Variants in MORC2 observed in about 807,000 individuals in gnomAD.
MORC2 encodes the protein ATPase MORC2.
In MORC2, 30 loss-of-function variants were observed where a neutral mutation model predicts 136.0. The observed-to-expected ratio is 0.22, with a 90% CI of 0.17 to 0.30. The LOEUF (loss-of-function observed/expected upper bound fraction) is 0.30. MORC2 is among the 10% of genes least tolerant of loss of function. MORC2 has a pLI of 1.00. For synonymous variants in MORC2, 439 were observed against 487.0 expected (o/e 0.90, Z 1.30); for missense variants, 922 against 1,333.1 (o/e 0.69, Z 4.80).
chr22:30,925,759 G>A lies in MORC2; in HGVS notation c.*1044C>T, dbSNP rs910118123. ...TTTGTCTTTGACCCTGAGAAGTTAA[G>A]GGACACAGATTGTGGCGCCGTGATG... On this transcript the variant is annotated 3_prime_UTR_variant, in exon 26 of 26. Coordinates refer to ENST00000397641, the MANE Select transcript of MORC2 (RefSeq NM_001303256.3). 1 of 153,598 alleles carries A rather than the reference G, an allele frequency of 6.5e-6. No individual in the cohort carries two copies. Among genetic ancestry groups the A allele is most frequent in the Non-Finnish European group, 1.5e-5 (1 of 68,060 alleles). 9.5% of individuals were successfully genotyped at this position (153,598 alleles called of 1,614,324 possible).
At chr22:30,929,545 G>A (rs181568204) in intron 24 of MORC2, among the ~76,000 whole-genome samples, 1,841 of 152,064 alleles carry the variant, frequency 0.012, 31 homozygotes, top group African/African-American at 0.041. Context: ...TCAGGAGATC[G>A]AGACCATCCT....
In MORC2 at chr22:30,932,154, G is replaced by C. The variant is rs2040584488; in HGVS notation, c.2841+205C>G. 1.1e-5 allele frequency: 6 copies of C among 552,602 alleles called. No individual in the cohort carries two copies. Among genetic ancestry groups the C allele is most frequent in the Non-Finnish European group, 1.9e-5 (6 of 311,500 alleles). 34.2% of individuals were successfully genotyped at this position (552,602 alleles called of 1,614,324 possible). On this transcript the variant is annotated intron_variant, in intron 24 of 25. Transcript: ENST00000397641. This position sits in a 1 kb window ranked among gnomAD's most constrained non-coding sequence, Gnocchi z 4.4. Reference sequence around the variant, plus strand: ...AGGGGTTGGCTTTCTGCACACCAGAGTCATATCCAGCTAAGCCAATTTTTT... The same window carrying C: ...AGGGGTTGGCTTTCTGCACACCAGACTCATATCCAGCTAAGCCAATTTTTT...
intron 4 of MORC2, 40 bp downstream of exon 4, chr22:30,950,337 G>GCGC: frequency 1.3e-6 from 1 of 761,768 alleles, no homozygotes; most frequent in Non-Finnish European, 2.3e-6. Context: ...TGGTTACATC[G>GCGC]CACCCCCCCA....
chr22:30,943,954 G>T (rs12167130), intron 6 of MORC2, among the ~76,000 whole-genome samples: 2,262 of 152,254 alleles, frequency 0.015, 55 homozygotes, highest in African/African-American at 0.052. Context: ...TTTTAGTAGA[G>T]ACGGGGTTTC....
At chr22:30,940,535 G>A (rs1423525007) in intron 10 of MORC2, among the ~76,000 whole-genome samples, 1 of 152,150 alleles carries the variant, frequency 6.6e-6, no homozygotes, top group East Asian at 1.9e-4. Context: ...ACACTTTTAG[G>A]CCCTATAAAT....
chr22:30,950,379 G>T lies in MORC2; in HGVS notation c.224C>A (p.Pro75Gln). 7.4e-7 allele frequency: 1 copy of T among 1,353,266 alleles called. No homozygotes were observed. Among genetic ancestry groups the T allele is most frequent in the Non-Finnish European group, 1.0e-6 (1 of 992,640 alleles). The allele number at this position is 1,353,266 out of a possible 1,614,324, so 83.8% of individuals were successfully genotyped here. A position where few individuals can be genotyped will look rare whatever the true frequency, so the allele number is the denominator to read the frequency against. ...AAAACAATAATCTCATCACTTACTT[G>T]GATCCATTCCTGCTCCATCATCCAA... ...CFLDDGAGMD[P>Q]SDAASVIQFG... The change falls in exon 4 of 26, where the codon CCA becomes CAA. Residue 75 changes from proline (P) to glutamine (Q), a missense_variant and splice_region_variant. By Grantham distance (76) the Pro-to-Gln change is moderately conservative. Coordinates refer to ENST00000397641, the MANE Select transcript of MORC2 (RefSeq NM_001303256.3).
rs34402075 is a variant in MORC2 at position 30,963,388 on chromosome 22, C to CTTT, written c.68+4431_68+4433dup. On this transcript the variant is annotated intron_variant, in intron 1 of 25. Coordinates refer to ENST00000397641, the MANE Select transcript of MORC2 (RefSeq NM_001303256.3). ...TTCGTTCACTTTCAACTGATTATGG[C>CTTT]TTTTTTTTTTTTTGAGAGATGGAGT... is the stretch of plus-strand genomic sequence containing the variant. 4.4e-3 allele frequency: 3,042 copies of CTTT among 697,678 alleles called. 3 individuals are homozygous for CTTT. The highest frequency in any genetic ancestry group is 8.0e-3 in the East Asian group (57 of 7,130). The allele number at this position is 697,678 out of a possible 1,614,324, so 43.2% of individuals were successfully genotyped here. A position where few individuals can be genotyped will look rare whatever the true frequency, so the allele number is the denominator to read the frequency against.
In MORC2 at chr22:30,926,808, C is replaced by T; in HGVS notation, c.3094G>A (p.Asp1032Asn). 1 of 1,613,226 alleles carries T rather than the reference C, an allele frequency of 6.2e-7. No homozygotes were observed. The highest frequency in any genetic ancestry group is 8.5e-7 in the Non-Finnish European group (1 of 1,179,636). ...AGCTGCTCTCTCTCCTGCCTTCAGT[C>T]CCCCTTGGTGATGAGGTCCTCAATG... Reference protein sequence around the residue: ...AYIEDLITKGD With the variant: ...AYIEDLITKGN Residue 1032 changes from aspartate (D) to asparagine (N), a missense_variant, in exon 26 of 26, where the codon GAC (aspartate) becomes AAC (asparagine). Asp to Asn is a conservative substitution (Grantham distance 23, BLOSUM62 1). Around this residue, in one of 9 missense-constraint regions of MORC2, gnomAD observed 263 missense variants for 388.3 expected, o/e 0.68. Transcript: ENST00000397641.
chr22:30,948,689 C>T (rs550353414), intron 5 of MORC2, among the ~76,000 whole-genome samples: 44 of 144,958 alleles, frequency 3.0e-4, no homozygotes, highest in African/African-American at 1.1e-3. Flanking sequence ...CCTACCCTAG[C>T]GCTCTACACA....
Position 30,933,480 on chromosome 22 carries a change from T to G in MORC2, c.2366A>C (p.Lys789Thr). The change falls in exon 21 of 26, where the codon AAG becomes ACG. Residue 789 changes from lysine to threonine, a missense_variant. This residue lies in a region of MORC2 where 263 missense variants were observed against 388.3 expected (regional missense o/e 0.68). Transcript: ENST00000397641. The part of the protein sequence containing the change: ...SAGEEDSADL[K>T]RAQKDKGLHV... ...CCCCAGCTCACCTTTCTGAGCTCTCTTGAGGTCAGCCGAGTCCTCTTCCCC... is the reference window on the plus strand; with the variant it reads ...CCCCAGCTCACCTTTCTGAGCTCTCGTGAGGTCAGCCGAGTCCTCTTCCCC... The G allele has an allele frequency of 1.2e-6, 2 of 1,613,916 alleles. No homozygotes were observed. The highest frequency in any genetic ancestry group is 4.5e-5 in the East Asian group (2 of 44,850).
intron 3 of MORC2, among the ~76,000 whole-genome samples, chr22:30,950,727 A>G (rs1309241566): frequency 6.6e-6 from 1 of 152,180 alleles, no homozygotes; most frequent in Non-Finnish European, 1.5e-5. Flanking sequence ...GAATATGCAC[A>G]TACCTCACAC....
rs539967943 is a variant in MORC2, at chr22:30,954,854, C to G, written c.157+1909G>C. The stretch of plus-strand genomic sequence containing the variant: ...CATCTGTGCATTGATTAAATAAGCC[C>G]TATTTTTCCAGCGGTAGCTGTTACC... On this transcript the variant is annotated intron_variant, in intron 3 of 25. Transcript: ENST00000397641. 1.9e-4 allele frequency among the ~76,000 whole-genome samples: 29 copies of G among 152,172 alleles called. No individual in the cohort carries two copies. The East Asian group carries it at 5.4e-3, about 28-fold the overall frequency.
rs543492321 is a variant in MORC2, at chr22:30,965,249, T to C, written c.68+2573A>G. 2.2e-4 allele frequency among the ~76,000 whole-genome samples: 33 copies of C among 152,340 alleles called. No individual in the cohort carries two copies. In the South Asian group the frequency reaches 2.9e-3, roughly 13 times the overall value. ...GCAATACTGTAGATGTCAGACACCA[T>C]GAAATGGTCTCGTGTTCCTAAGATT... On this transcript the variant is annotated intron_variant, in intron 1 of 25. Transcript: ENST00000397641.
intron 4 of MORC2, 138 bp downstream of exon 4, chr22:30,950,239 C>G: frequency 1.2e-6 from 1 of 858,776 alleles, no homozygotes; most frequent in Admixed American, 2.3e-5. Context: ...GATGTTGCAA[C>G]AGACTTCTTA....
rs9609161 is a variant in MORC2 at position 30,933,929 on chromosome 22, G to A, written c.2325+131C>T. The A allele has an allele frequency of 0.011, 12,304 of 1,091,244 alleles. 101 individuals carry two copies. The highest frequency in any genetic ancestry group is 0.02 in the South Asian group (1,344 of 66,494). The allele number at this position is 1,091,244 out of a possible 1,614,324, so 67.6% of individuals were successfully genotyped here. The stretch of plus-strand genomic sequence containing the variant: ...GAGTTGGTGCAGACTGCTGGTGGGG[G>A]GGGTAGACTGCTGGTGGGTTGTGTA... On this transcript the variant is annotated intron_variant, in intron 20 of 25. Transcript: ENST00000397641.
Position 30,932,461 on chromosome 22 carries a change from G to A in MORC2, c.2748-9C>T, listed in dbSNP as rs2040589201. ...AGTACCGTAAACAATTCCTAAAGAA[G>A]GCAGGGACAGTAATTCAGAATGGCA... On this transcript the variant is annotated splice_polypyrimidine_tract_variant and intron_variant, in intron 23 of 25. Transcript: ENST00000397641. This position sits in a 1 kb window ranked among gnomAD's most constrained non-coding sequence, Gnocchi z 4.4. 1 of 1,613,630 alleles carries A rather than the reference G, an allele frequency of 6.2e-7. No homozygotes were observed. The highest frequency in any genetic ancestry group is 1.3e-5 in the African/African-American group (1 of 75,034).
At chr22:30,938,432 G>T (rs926294451) in intron 12 of MORC2, among the ~76,000 whole-genome samples, 6 of 152,260 alleles carry the variant, frequency 3.9e-5, no homozygotes, top group Admixed American at 3.9e-4. Flanking sequence ...AGGGATGGTT[G>T]CCAAACCATT....
chr22:30,948,109 A>G (rs2040844194), intron 5 of MORC2, among the ~76,000 whole-genome samples: 1 of 152,144 alleles, frequency 6.6e-6, no homozygotes, highest in African/African-American at 2.4e-5. Flanking sequence ...GTCACATTTC[A>G]TTTGCTTCTG....
At chr22:30,955,873 G>T (rs941387398) in intron 3 of MORC2, among the ~76,000 whole-genome samples, 5 of 151,978 alleles carry the variant, frequency 3.3e-5, no homozygotes, top group African/African-American at 1.2e-4. Flanking sequence ...AGCCGGGTGT[G>T]GTGGTGGGCG....
Sources: allele counts gnomAD v4.1 joint callset (sites outside exome capture counted in the v4.1 genomes callset), GRCh38; gene constraint gnomAD v4.1.1; regional missense constraint gnomAD v4.1.1; non-coding constraint Gnocchi (gnomAD v3.1); transcripts MANE v1.5; gene names NCBI Gene and HGNC (gene_info 2026-07-23, HGNC 2026-07-21).